The following KIAA1586 variants were observed in gnomAD, a reference collection of about 807,000 sequenced individuals.
KIAA1586 encodes E3 SUMO-protein ligase KIAA1586.
Under a neutral mutation model 6.1 loss-of-function variants are expected in KIAA1586, and 5 were observed. The ratio of observed to expected loss-of-function variants is 0.82; its 90% CI spans 0.43 to 1.73. KIAA1586 has a LOEUF of 1.73. KIAA1586 is among the 40% of genes most tolerant of loss of function. The pLI, the probability that KIAA1586 is intolerant of heterozygous loss-of-function variation, is 0.02. For synonymous variants in KIAA1586, 280 were observed against 301.7 expected (o/e 0.93, Z 0.75); for missense variants, 899 against 878.2 (o/e 1.02, Z -0.30).
chr6:57,053,858 A>C lies in KIAA1586; in HGVS notation c.1359A>C (p.Gln453His). 1 of 1,548,942 alleles carries C rather than the reference A, an allele frequency of 6.5e-7. No homozygotes were observed. The highest frequency in any genetic ancestry group is 1.2e-5 in the South Asian group (1 of 81,168). The change falls in exon 4 of 4, where the codon CAA becomes CAC. Residue 453 changes from glutamine (Q) to histidine (H), a missense_variant. Gln to His is a conservative substitution (Grantham distance 24). Transcript: ENST00000370733. ...FIDKIYSIYH[Q>H]PNKNQTKLLG... ...ATAAAATTTATTCTATTTATCATCA[A>C]CCTAATAAAAATCAAACCAAGCTTC...
intron 2 of KIAA1586, among the ~76,000 whole-genome samples, chr6:57,050,434 C>T (rs1225894903): frequency 4.6e-5 from 7 of 151,654 alleles, no homozygotes; most frequent in Admixed American, 3.9e-4. Flanking sequence ...CCTCTCACCT[C>T]AGCCTCCCAA....
intron 3 of KIAA1586, among the ~76,000 whole-genome samples, chr6:57,051,681 C>A (rs1463735073): frequency 6.6e-6 from 1 of 152,056 alleles, no homozygotes; most frequent in African/African-American, 2.4e-5. Flanking sequence ...CACCTGTAAT[C>A]CCAGCACTTT....
At chr6:57,061,631 C>T in the KIAA1586 span, among the ~76,000 whole-genome samples, 1 of 152,004 alleles carries the variant, frequency 6.6e-6, no homozygotes, top group South Asian at 2.1e-4. Flanking sequence ...CTCAAGTGCT[C>T]ATCCTGCCTC....
chr6:57,051,294 T>G (rs1457187557), intron 3 of KIAA1586, among the ~76,000 whole-genome samples: 1 of 151,200 alleles, frequency 6.6e-6, no homozygotes, highest in African/African-American at 2.5e-5. Context: ...ATTGTAAACA[T>G]AACAGTTATT....
At chr6:57,049,387 A>AG (rs1243308585) in intron 2 of KIAA1586, among the ~76,000 whole-genome samples, 1 of 152,176 alleles carries the variant, frequency 6.6e-6, no homozygotes, top group Non-Finnish European at 1.5e-5. Context: ...TCAGATTAAA[A>AG]GAAAAAAAAG....
At chr6:57,057,492 C>T (rs1005789049), downstream of KIAA1586, among the ~76,000 whole-genome samples, 2 of 152,064 alleles carry the variant, frequency 1.3e-5, no homozygotes, top group Non-Finnish European at 2.9e-5. Flanking sequence ...GTGGTTCACA[C>T]GTGTAATCCC....
At chr6:57,063,450 C>CTTTTT in the KIAA1586 span, among the ~76,000 whole-genome samples, 121 of 102,554 alleles carry the variant, frequency 1.2e-3, no homozygotes, top group Non-Finnish European at 1.4e-3. Context: ...TATGTTATTT[C>CTTTTT]TTTTTTTTTT....
chr6:57,061,228 G>A, the KIAA1586 span, among the ~76,000 whole-genome samples: 4 of 151,874 alleles, frequency 2.6e-5, no homozygotes, highest in East Asian at 3.9e-4. Flanking sequence ...TGCCCACCTC[G>A]GCCTCCCAAA....
the KIAA1586 span, among the ~76,000 whole-genome samples, chr6:57,060,628 A>G: frequency 3.9e-5 from 6 of 152,270 alleles, no homozygotes; most frequent in African/African-American, 1.4e-4. Context: ...AGGTCAAGGT[A>G]GCTGCCACTG....
the KIAA1586 span, among the ~76,000 whole-genome samples, chr6:57,065,505 T>C: frequency 3.3e-5 from 5 of 151,832 alleles, no homozygotes; most frequent in Non-Finnish European, 5.9e-5. Flanking sequence ...TTTTTTTTTT[T>C]TGAGTCAGTC....
chr6:57,058,761 T>C (rs558747992), downstream of KIAA1586, among the ~76,000 whole-genome samples: 41 of 152,364 alleles, frequency 2.7e-4, no homozygotes, highest in Admixed American at 1.5e-3. Context: ...GTTTTCATTG[T>C]ATTTGATGTC....
chr6:57,050,844 A>G lies in KIAA1586; in HGVS notation c.176A>G (p.Tyr59Cys), dbSNP rs781449083. The change falls in exon 3 of 4, where the codon TAT (tyrosine) becomes TGT (cysteine). Residue 59 changes from tyrosine (Y) to cysteine (C), a missense_variant. Coordinates refer to ENST00000370733, the MANE Select transcript of KIAA1586 (RefSeq NM_020931.4). ...GGTGATGATGAAAACCCTAGCGCCT[A>G]TTATAGTGATGTAAGCACATTATAT... ...VCGDDENPSA[Y>C]YSDILFPKMP... The G allele has an allele frequency of 1.4e-5, 22 of 1,608,476 alleles. No homozygotes were observed. The highest frequency in any genetic ancestry group is 2.7e-5 in the African/African-American group (2 of 74,782).
downstream of KIAA1586, among the ~76,000 whole-genome samples, chr6:57,060,102 T>A (rs552330647): frequency 2.0e-4 from 30 of 152,290 alleles, no homozygotes; most frequent in South Asian, 2.1e-3. Context: ...TAGGAAGACA[T>A]TCAGACAACA....
At chr6:57,061,062 C>G in the KIAA1586 span, among the ~76,000 whole-genome samples, 2 of 151,886 alleles carry the variant, frequency 1.3e-5, no homozygotes, top group Non-Finnish European at 1.5e-5. Flanking sequence ...ACTGCAACCT[C>G]CAACTTCCTG....
At position 57,052,889 on chromosome 6, in the gene KIAA1586, T is replaced by TCC. The variant is rs760242074; in HGVS notation, c.391_392insCC (p.Leu131ProfsTer25). On this transcript the variant is annotated frameshift_variant, in exon 4 of 4. Coordinates refer to ENST00000370733, the MANE Select transcript of KIAA1586 (RefSeq NM_020931.4). LOFTEE classifies it low-confidence loss of function (END_TRUNC). Reference sequence around the variant, plus strand: ...TTTCATCAAAGAAAGAAATAGATAATCTTGTGCTTCCAGATTGTTGGAATG... The same window carrying TCC: ...TTTCATCAAAGAAAGAAATAGATAATCCCTTGTGCTTCCAGATTGTTGGAATG... The TCC allele has an allele frequency of 1.8e-4, 287 of 1,612,672 alleles. No individual in the cohort carries two copies. Among genetic ancestry groups the TCC allele is most frequent in the Non-Finnish European group, 2.4e-4 (280 of 1,179,498 alleles).
At chr6:57,063,860 A>G in the KIAA1586 span, among the ~76,000 whole-genome samples, 1 of 152,224 alleles carries the variant, frequency 6.6e-6, no homozygotes, top group Non-Finnish European at 1.5e-5. Context: ...GAGTACTATA[A>G]AACAATACTA....
At chr6:57,048,242 GTAGT>G (rs1196759158) in intron 2 of KIAA1586, among the ~76,000 whole-genome samples, 2 of 152,168 alleles carry the variant, frequency 1.3e-5, no homozygotes, top group African/African-American at 4.8e-5. Context: ...TTGGAATGCC[GTAGT>G]TAGTTGCAGT....
At chr6:57,048,857 A>T (rs1157668442) in intron 2 of KIAA1586, among the ~76,000 whole-genome samples, 2 of 152,208 alleles carry the variant, frequency 1.3e-5, no homozygotes, top group East Asian at 3.8e-4. Flanking sequence ...CACAGATGGG[A>T]TGTACAAAAT....
rs377460775 is a variant in KIAA1586 at position 57,052,830 on chromosome 6, A to G, written c.331A>G (p.Ile111Val). 5.6e-6 allele frequency: 9 copies of G among 1,613,634 alleles called. 1 individual carries two copies. The highest frequency in any genetic ancestry group is 4.4e-5 in the South Asian group (4 of 91,012). The change falls in exon 4 of 4, where the codon ATT becomes GTT. Residue 111 changes from isoleucine (I) to valine (V), a missense_variant. Coordinates refer to ENST00000370733, the MANE Select transcript of KIAA1586 (RefSeq NM_020931.4). ...SKAKEPHFEYIEQPIIEEKPS... is the reference protein window; with the variant it reads ...SKAKEPHFEYVEQPIIEEKPS... ...GGCAAAGGAACCACATTTCGAGTAT[A>G]TTGAACAACCAATCATTGAAGAAAA...
Sources: gnomAD v4.1 joint callset for allele counts (sites outside exome capture counted in the v4.1 genomes callset) on GRCh38, gnomAD v4.1.1 for gene constraint, MANE v1.5 for transcripts, NCBI Gene and HGNC (gene_info 2026-07-23, HGNC 2026-07-21) for gene names.